Variants in TRNAU1AP observed in about 807,000 individuals in gnomAD.
TRNAU1AP encodes tRNA selenocysteine 1-associated protein 1.
TRNAU1AP carries 33 observed loss-of-function variants against 43.3 expected under a neutral mutation model. The observed-to-expected ratio is 0.76, with a 90% CI of 0.58 to 1.02. TRNAU1AP has a LOEUF of 1.02. Ranked by LOEUF, TRNAU1AP falls within the 50% of genes least tolerant of loss-of-function variation. TRNAU1AP has a pLI of 0.00. For synonymous variants in TRNAU1AP, 143 were observed against 129.1 expected (o/e 1.11, Z -0.73); for missense variants, 290 against 362.7 (o/e 0.80, Z 1.63).
chr1:28,570,814 C>T (rs1252154189), intron 6 of TRNAU1AP, among the ~76,000 whole-genome samples: 1 of 152,102 alleles, frequency 6.6e-6, no homozygotes, highest in Non-Finnish European at 1.5e-5. Flanking sequence ...GGCCGGGCTC[C>T]CAGCACTTTG....
chr1:28,559,830 T>C (rs1665365390), intron 2 of TRNAU1AP, among the ~76,000 whole-genome samples: 1 of 152,142 alleles, frequency 6.6e-6, no homozygotes, highest in Admixed American at 6.6e-5. Flanking sequence ...CATAAATGAA[T>C]GTTTACTAAA....
chr1:28,572,049 T>G, intron 8 of TRNAU1AP, 149 bp downstream of exon 8: 1 of 749,156 alleles, frequency 1.3e-6, no homozygotes, highest in Non-Finnish European at 2.4e-6. Flanking sequence ...TATGTAATTA[T>G]GGTAAGATGT....
chr1:28,578,170 A>C lies in TRNAU1AP; in HGVS notation c.*534A>C, dbSNP rs1368147385. ...CCTAAGAATTAGTACTTGCTCTAAT[A>C]ATGGGTTTCATCTATTTTCATGAGT... is the stretch of plus-strand genomic sequence containing the variant. On this transcript the variant is annotated 3_prime_UTR_variant, in exon 9 of 9. Transcript: ENST00000373830. 1 of 157,438 alleles carries C rather than the reference A, an allele frequency of 6.4e-6. No individual in the cohort carries two copies. The highest frequency in any genetic ancestry group is 2.4e-5 in the African/African-American group (1 of 41,474). The allele number at this position is 157,438 out of a possible 1,614,324, so 9.8% of individuals were successfully genotyped here. A position where few individuals can be genotyped will look rare whatever the true frequency, so the allele number is the denominator to read the frequency against.
rs1299411812 is a variant in TRNAU1AP at position 28,571,191 on chromosome 1, A to T, written c.546A>T (p.Pro182=). 1 of 1,613,964 alleles carries T rather than the reference A, an allele frequency of 6.2e-7. No individual in the cohort carries two copies. The highest frequency in any genetic ancestry group is 1.3e-5 in the African/African-American group (1 of 74,928). Residue 182 remains proline, a synonymous_variant, in exon 7 of 9, where the codon CCA becomes CCT. Coordinates refer to ENST00000373830, the MANE Select transcript of TRNAU1AP (RefSeq NM_017846.5). The part of the protein sequence containing the change: ...VAIPKASRVK[P]VEYSQMYSYS... Reference sequence around the variant, plus strand: ...TTCATTTAAGGAGCCGTGTAAAGCCAGTGGAATATAGTCAGATGTACAGTT... The same window carrying T: ...TTCATTTAAGGAGCCGTGTAAAGCCTGTGGAATATAGTCAGATGTACAGTT...
At chr1:28,573,123 T>C (rs1665697799) in intron 8 of TRNAU1AP, among the ~76,000 whole-genome samples, 1 of 141,856 alleles carries the variant, frequency 7.0e-6, no homozygotes, top group South Asian at 2.3e-4. Context: ...CAAGCCCGCC[T>C]CCCGGGTGCA....
chr1:28,560,279 C>CT (rs61583725), intron 2 of TRNAU1AP, among the ~76,000 whole-genome samples: 35,927 of 137,750 alleles, frequency 0.26, 4,767 homozygotes, highest in Middle Eastern at 0.34. Context: ...CATCTTGAGC[C>CT]TTTTTTTTTT....
chr1:28,560,933 A>G (rs1412477325), intron 3 of TRNAU1AP: 10 of 906,920 alleles, frequency 1.1e-5, no homozygotes, highest in African/African-American at 1.7e-5. Flanking sequence ...AGTAAATGGC[A>G]GAGCCAGGAT....
chr1:28,564,612 C>G, intron 4 of TRNAU1AP, 91 bp from the exon 5 acceptor site: 1 of 1,489,218 alleles, frequency 6.7e-7, no homozygotes. Flanking sequence ...CTTAAGGGGC[C>G]TGGGAGAGGT....
chr1:28,576,167 T>C (rs1198587999), intron 8 of TRNAU1AP, among the ~76,000 whole-genome samples: 2 of 150,090 alleles, frequency 1.3e-5, no homozygotes, highest in Non-Finnish European at 3.0e-5. Flanking sequence ...TTTTTTTTTT[T>C]TTTTGAGACA....
chr1:28,569,749 G>A (rs1222421714), intron 6 of TRNAU1AP, among the ~76,000 whole-genome samples: 1 of 148,210 alleles, frequency 6.7e-6, no homozygotes, highest in Non-Finnish European at 1.5e-5. Context: ...CACTTTGGGA[G>A]GCCGAGGCGG....
chr1:28,558,560 A>ATTTT (rs756554853), intron 2 of TRNAU1AP, among the ~76,000 whole-genome samples: 6 of 88,346 alleles, frequency 6.8e-5, no homozygotes, highest in South Asian at 3.3e-4. Context: ...CGCCCGACTA[A>ATTTT]TTTTTTTTTT....
intron 8 of TRNAU1AP, among the ~76,000 whole-genome samples, chr1:28,575,643 T>C (rs1426905557): frequency 1.3e-5 from 2 of 150,862 alleles, no homozygotes; most frequent in Non-Finnish European, 3.0e-5. Flanking sequence ...TCTTTTTTTC[T>C]TTTTTTGAGA....
chr1:28,558,045 G>A (rs1476781608), intron 2 of TRNAU1AP, among the ~76,000 whole-genome samples: 2 of 145,132 alleles, frequency 1.4e-5, no homozygotes, highest in Non-Finnish European at 3.0e-5. Context: ...ACAGTCATGT[G>A]CCACTATGCC....
In TRNAU1AP at chr1:28,567,364, G is replaced by A; in HGVS notation, c.481G>A (p.Val161Met). 1 of 1,614,030 alleles carries A rather than the reference G, an allele frequency of 6.2e-7. No homozygotes were observed. The highest frequency in any genetic ancestry group is 8.5e-7 in the Non-Finnish European group (1 of 1,180,004). ...AGCCCTGACGGAGTGCCAGGGAGCA[G>A]TGGGACTGGGGTCTAAGCCTGTGCG... ...KRALTECQGA[V>M]GLGSKPVRLS... The change falls in exon 6 of 9, where the codon GTG becomes ATG. Residue 161 changes from valine to methionine, a missense_variant. By Grantham distance (21) the Val-to-Met change is conservative. This residue lies in a region of TRNAU1AP where 174 missense variants were observed against 262.1 expected (regional missense o/e 0.66). Coordinates refer to ENST00000373830, the MANE Select transcript of TRNAU1AP (RefSeq NM_017846.5).
chr1:28,566,914 G>A (rs979047212), intron 5 of TRNAU1AP, among the ~76,000 whole-genome samples: 2 of 152,258 alleles, frequency 1.3e-5, no homozygotes, highest in African/African-American at 2.4e-5. Flanking sequence ...CATCCTGTGC[G>A]TAGCACAGTG....
At chr1:28,569,132 C>T (rs1012360006) in intron 6 of TRNAU1AP, among the ~76,000 whole-genome samples, 2 of 151,980 alleles carry the variant, frequency 1.3e-5, no homozygotes, top group Non-Finnish European at 2.9e-5. Context: ...TTTTTGAAAG[C>T]AATGATTTAG....
intron 8 of TRNAU1AP, among the ~76,000 whole-genome samples, chr1:28,574,182 G>A (rs1212220849): frequency 1.3e-5 from 2 of 150,578 alleles, no homozygotes; most frequent in Non-Finnish European, 2.9e-5. Flanking sequence ...CTGCCTCCCA[G>A]GTTCAAGTGA....
At chr1:28,558,062 AT>A (rs998976595) in intron 2 of TRNAU1AP, among the ~76,000 whole-genome samples, 101 of 122,104 alleles carry the variant, frequency 8.3e-4, no homozygotes, top group African/African-American at 1.0e-3. Flanking sequence ...TGCCTGGCTA[AT>A]TTTTTTTTTT....
rs773372426 is a variant in TRNAU1AP, at chr1:28,553,117, G to A, written c.7G>A (p.Ala3Thr). 4 of 1,521,490 alleles carry A rather than the reference G, an allele frequency of 2.6e-6. No individual in the cohort carries two copies. Among genetic ancestry groups the A allele is most frequent in the Non-Finnish European group, 3.5e-6 (4 of 1,132,310 alleles). The allele number at this position is 1,521,490 out of a possible 1,614,324, so 94.2% of individuals were successfully genotyped here. ...CCCACCCCGGTGCGCGGGTATGGCG[G>A]CCAGCCTGTGGATGGGCGACGTGAG... is the stretch of plus-strand genomic sequence containing the variant. The part of the protein sequence containing the change: MA[A>T]SLWMGDLEPY... The change falls in exon 1 of 9, where the codon GCC becomes ACC. Residue 3 changes from alanine to threonine, a missense_variant. By Grantham distance (58) the Ala-to-Thr change is moderately conservative. Transcript: ENST00000373830.
Sources: gnomAD v4.1 joint callset for allele counts (sites outside exome capture counted in the v4.1 genomes callset) on GRCh38, gnomAD v4.1.1 for gene constraint, gnomAD v4.1.1 regional missense constraint, MANE v1.5 for transcripts, NCBI Gene and HGNC (gene_info 2026-07-23, HGNC 2026-07-21) for gene names.